The following PTPRD variants were observed in gnomAD, a reference collection of about 807,000 sequenced individuals.
The protein encoded by PTPRD is receptor-type tyrosine-protein phosphatase delta.
Under a neutral mutation model 214.5 loss-of-function variants are expected in PTPRD, and 34 were observed. The observed-to-expected ratio is 0.16, with a 90% CI of 0.12 to 0.21. The LOEUF is 0.21. Ranked by LOEUF, PTPRD falls within the 10% of genes least tolerant of loss-of-function variation. PTPRD has a pLI of 1.00. For missense variants in PTPRD, 2,545 were observed against 2,398.7 expected (o/e 1.06, Z -1.27); for synonymous variants, 1,128 against 845.7 (o/e 1.33, Z -5.79).
rs931958503 is a variant in PTPRD, at chr9:8,558,070, C to T, written c.353-29291G>A. Among the ~76,000 whole-genome samples the T allele has an allele frequency of 3.3e-5, 5 of 151,984 alleles. 1 individual carries two copies. The highest frequency in any genetic ancestry group is 4.8e-5 in the African/African-American group (2 of 41,432). ...ATAAGTGAGCCTTTGATTCTTTTCC[C>T]GATATAGAAATAATGATGTGTGTCA... On this transcript the variant is annotated intron_variant, in intron 14 of 45. Coordinates refer to ENST00000381196, the MANE Select transcript of PTPRD (RefSeq NM_002839.4).
chr9:9,664,088 T>TAAAAAAAAAAAAAAAAAAAAA (rs71319290), intron 7 of PTPRD, among the ~76,000 whole-genome samples: 1 of 114,538 alleles, frequency 8.7e-6, no homozygotes. Flanking sequence ...CACTCCTGTG[T>TAAAAAAAAAAAAAAAAAAAAA]AAAAAAAAAA....
At chr9:10,091,425 G>C (rs187990778) in intron 3 of PTPRD, among the ~76,000 whole-genome samples, 75 of 151,410 alleles carry the variant, frequency 5.0e-4, no homozygotes, top group African/African-American at 1.6e-3. Context: ...TTTTTAAATT[G>C]TTCTGAAAAT....
Position 8,832,601 on chromosome 9 carries a change from G to A in PTPRD, c.-103-98655C>T, listed in dbSNP as rs1179170001. On this transcript the variant is annotated intron_variant, in intron 11 of 45. Transcript: ENST00000381196. ...GTTATGAGAAAGAGAAAATTAACCA[G>A]TGTTTGCACCCACTATGTGTGTTTT... 2.0e-5 allele frequency among the ~76,000 whole-genome samples: 3 copies of A among 152,000 alleles called. No individual in the cohort carries two copies. In the East Asian group the frequency reaches 5.8e-4, roughly 29 times the overall value.
At chr9:8,470,969 G>C (rs1395469543) in intron 31 of PTPRD, 26 bp downstream of exon 31, 7 of 1,584,504 alleles carry the variant, frequency 4.4e-6, no homozygotes, top group African/African-American at 1.3e-5. Context: ...ACGAATAAAA[G>C]ACATGGCCAA....
At chr9:8,996,858 C>G (rs563756671) in intron 11 of PTPRD, among the ~76,000 whole-genome samples, 2 of 152,000 alleles carry the variant, frequency 1.3e-5, no homozygotes, top group Admixed American at 1.3e-4. Flanking sequence ...GGGGATATAA[C>G]ATTTGGACCA....
chr9:10,387,798 T>TAAA (rs552150325), intron 2 of PTPRD, among the ~76,000 whole-genome samples: 1,587 of 127,088 alleles, frequency 0.012, 43 homozygotes, highest in African/African-American at 0.044. Flanking sequence ...GAATACGATT[T>TAAA]AAAAAAAAAA....
intron 2 of PTPRD, among the ~76,000 whole-genome samples, chr9:10,598,975 A>T (rs2077312750): frequency 6.6e-6 from 1 of 151,702 alleles, no homozygotes; most frequent in Non-Finnish European, 1.5e-5. Flanking sequence ...GCCACTCTCA[A>T]ATTTTAGCTA....
intron 21 of PTPRD, among the ~76,000 whole-genome samples, chr9:8,513,058 C>T (rs942055766): frequency 6.6e-6 from 1 of 151,876 alleles, no homozygotes; most frequent in Admixed American, 6.6e-5. Flanking sequence ...CTTTCCTTGT[C>T]AATGGCCATA....
intron 12 of PTPRD, among the ~76,000 whole-genome samples, chr9:8,654,057 A>G (rs2154347430): frequency 6.6e-6 from 1 of 152,260 alleles, no homozygotes; most frequent in South Asian, 2.1e-4. Context: ...ATTGCAAGAG[A>G]TTGAGCAACA....
chr9:8,813,381 C>A (rs2096854966), intron 11 of PTPRD, among the ~76,000 whole-genome samples: 2 of 152,142 alleles, frequency 1.3e-5, no homozygotes, highest in South Asian at 4.1e-4. Flanking sequence ...CAGAATGCAT[C>A]TTAGGAAATA....
intron 2 of PTPRD, among the ~76,000 whole-genome samples, chr9:10,603,413 C>A (rs923949928): frequency 6.6e-6 from 1 of 151,888 alleles, no homozygotes; most frequent in Admixed American, 6.6e-5. Context: ...CTTGTGCTCA[C>A]TTCATTTGAA....
intron 9 of PTPRD, among the ~76,000 whole-genome samples, chr9:9,249,041 C>T (rs937198453): frequency 6.6e-6 from 1 of 151,968 alleles, no homozygotes; most frequent in African/African-American, 2.4e-5. Context: ...GAAATGTGAT[C>T]CCCAGTGTTG....
chr9:10,546,795 C>T (rs1304399887), intron 2 of PTPRD, among the ~76,000 whole-genome samples: 3 of 152,006 alleles, frequency 2.0e-5, no homozygotes, highest in Non-Finnish European at 4.4e-5. Flanking sequence ...ACAATGTTTG[C>T]ATTGTACAAA....
At chr9:9,008,314 G>T (rs983101258) in intron 11 of PTPRD, among the ~76,000 whole-genome samples, 5 of 151,160 alleles carry the variant, frequency 3.3e-5, no homozygotes, top group Admixed American at 6.6e-5. Flanking sequence ...TGCAAGCTCC[G>T]CCTCCCCAGT....
chr9:10,067,829 A>G (rs1263289567), intron 3 of PTPRD, among the ~76,000 whole-genome samples: 2 of 151,868 alleles, frequency 1.3e-5, no homozygotes, highest in Non-Finnish European at 2.9e-5. Flanking sequence ...ATGTTTAATA[A>G]CTATCTCTCT....
intron 10 of PTPRD, among the ~76,000 whole-genome samples, chr9:9,169,139 T>G (rs2099909662): frequency 6.6e-6 from 1 of 152,078 alleles, no homozygotes; most frequent in African/African-American, 2.4e-5. Flanking sequence ...ATACACTGTT[T>G]GCTTAATAAA....
At position 9,209,971 on chromosome 9, in the gene PTPRD, A is replaced by C. The variant is rs191295114; in HGVS notation, c.-202-26608T>G. ...CTCAGATCCCATGGGGTGATGCAGA[A>C]GGGCCCAGATAGATGATTATCACGC... is the stretch of plus-strand genomic sequence containing the variant. On this transcript the variant is annotated intron_variant, in intron 9 of 45. Coordinates refer to ENST00000381196, the MANE Select transcript of PTPRD (RefSeq NM_002839.4). Among the ~76,000 whole-genome samples, 207 of 152,208 alleles carry C rather than the reference A, an allele frequency of 1.4e-3. 2 individuals are homozygous for C. Among genetic ancestry groups the C allele is most frequent in the Non-Finnish European group, 5.4e-4 (37 of 67,982 alleles).
intron 3 of PTPRD, among the ~76,000 whole-genome samples, chr9:10,089,550 G>A (rs1478033417): frequency 6.6e-6 from 1 of 151,586 alleles, no homozygotes; most frequent in Non-Finnish European, 1.5e-5. Context: ...GAGGTAAACT[G>A]AGTTAAAAAG....
intron 11 of PTPRD, among the ~76,000 whole-genome samples, chr9:8,781,682 C>G (rs1442246125): frequency 6.6e-6 from 1 of 151,738 alleles, no homozygotes; most frequent in African/African-American, 2.4e-5. Flanking sequence ...GAAATGAATT[C>G]CAAGGCTCTC....
Sources: allele counts gnomAD v4.1 joint callset (sites outside exome capture counted in the v4.1 genomes callset), GRCh38; gene constraint gnomAD v4.1.1; transcripts MANE v1.5; gene names NCBI Gene and HGNC (gene_info 2026-07-23, HGNC 2026-07-21).